ADGRV1: variants seen among roughly 807,000 people sequenced by gnomAD.
The protein encoded by ADGRV1 is adhesion G protein-coupled receptor V1.
ADGRV1 carries 359 observed loss-of-function variants against 596.2 expected under a neutral mutation model. The ratio of observed to expected loss-of-function variants is 0.60; its 90% CI spans 0.55 to 0.66. The LOEUF is 0.66. Among genes scored for constraint, ADGRV1 ranks in the 30% least tolerant of loss-of-function variants. The pLI is 0.00. For missense variants in ADGRV1, 7,274 were observed against 7,575.6 expected, an observed-to-expected ratio of 0.96 and a Z score of 1.48; for synonymous variants, 2,681 against 2,679.2, an observed-to-expected ratio of 1.00 and a Z score of -0.02.
At chr5:90,760,907 A>G (rs1303264277) in intron 58 of ADGRV1, among the ~76,000 whole-genome samples, 1 of 152,250 alleles carries the variant, frequency 6.6e-6, no homozygotes, top group Non-Finnish European at 1.5e-5. Context: ...TTGTTATTAC[A>G]TGATAACTAT....
chr5:90,659,689 C>G (rs966262321), intron 21 of ADGRV1, among the ~76,000 whole-genome samples: 3 of 151,916 alleles, frequency 2.0e-5, no homozygotes, highest in Non-Finnish European at 4.4e-5. Context: ...TTCTGTTACA[C>G]ACATGTATAT....
At chr5:90,744,104 T>C (rs1169588612) in intron 50 of ADGRV1, among the ~76,000 whole-genome samples, 2 of 152,120 alleles carry the variant, frequency 1.3e-5, no homozygotes, top group Non-Finnish European at 2.9e-5. Context: ...TCCTGCCACC[T>C]CAGCTTCCCA....
chr5:90,937,131 G>A (rs1378142607), intron 83 of ADGRV1, among the ~76,000 whole-genome samples: 3 of 151,810 alleles, frequency 2.0e-5, no homozygotes, highest in African/African-American at 7.3e-5. Flanking sequence ...TATTCATCTA[G>A]GTTTAACCTT....
At chr5:90,691,509 C>T (rs1192875291) in intron 31 of ADGRV1, among the ~76,000 whole-genome samples, 6 of 151,316 alleles carry the variant, frequency 4.0e-5, no homozygotes, top group African/African-American at 7.3e-5. Flanking sequence ...CTCAGCCTTC[C>T]GAGTAGCTGG....
chr5:90,866,369 A>G (rs1006963212), intron 83 of ADGRV1, among the ~76,000 whole-genome samples: 5 of 150,398 alleles, frequency 3.3e-5, no homozygotes, highest in African/African-American at 1.2e-4. Flanking sequence ...AGGAATATAG[A>G]TACAAATCCA....
intron 82 of ADGRV1, among the ~76,000 whole-genome samples, chr5:90,860,718 A>G (rs990340450): frequency 3.4e-5 from 5 of 146,004 alleles, no homozygotes; most frequent in East Asian, 2.3e-4. Context: ...ATTAGGTGGT[A>G]TAATAAAAAA....
rs765658246 is a variant in ADGRV1, at chr5:90,720,089, G to T, written c.9489G>T (p.Met3163Ile). The change falls in exon 44 of 90, where the codon ATG (methionine) becomes ATT (isoleucine). Residue 3163 changes from methionine to isoleucine, a missense_variant. Physicochemically the swap from Met to Ile is conservative, Grantham distance 10. Coordinates refer to ENST00000405460, the MANE Select transcript of ADGRV1 (RefSeq NM_032119.4). ...CCATATTAGACACGGAACCAGAAAT[G>T]GATGAGTATTTTGTTTGCACCTTGT... ...ISAILDTEPE[M>I]DEYFVCTLFN... 6.2e-7 allele frequency: 1 copy of T among 1,613,624 alleles called. No individual in the cohort carries two copies. Among genetic ancestry groups the T allele is most frequent in the African/African-American group, 1.3e-5 (1 of 74,936 alleles).
At chr5:91,123,703 T>C (rs1793518287) in intron 87 of ADGRV1, among the ~76,000 whole-genome samples, 2 of 152,232 alleles carry the variant, frequency 1.3e-5, no homozygotes, top group South Asian at 4.1e-4. Flanking sequence ...CTGAGCTAAG[T>C]ATTTATTGTA....
intron 42 of ADGRV1, among the ~76,000 whole-genome samples, chr5:90,714,761 T>A (rs1227263330): frequency 6.6e-6 from 1 of 152,154 alleles, no homozygotes; most frequent in African/African-American, 2.4e-5. Context: ...TTTTTCCTTT[T>A]TTCTATCCAT....
chr5:90,701,737 A>G lies in ADGRV1; in HGVS notation c.8156-1928A>G, dbSNP rs1204303731. On this transcript the variant is annotated intron_variant, in intron 34 of 89. Coordinates refer to ENST00000405460, the MANE Select transcript of ADGRV1 (RefSeq NM_032119.4). Reference sequence around the variant, plus strand: ...TTAGACTTTTAGTGTTTTTACATGTAGTAAGTTTGTCTGAATATTTTACTT... The same window carrying G: ...TTAGACTTTTAGTGTTTTTACATGTGGTAAGTTTGTCTGAATATTTTACTT... Among the ~76,000 whole-genome samples, 4 of 151,908 alleles carry G rather than the reference A, an allele frequency of 2.6e-5. No individual in the cohort carries two copies. The South Asian group carries it at 8.3e-4, about 31-fold the overall frequency.
rs578015645 is a variant in ADGRV1 at position 90,778,891 on chromosome 5, T to C, written c.12876T>C (p.Ser4292=). ...QRVNITIIRS[S]GDFGHVRLWY... is the part of the protein sequence containing the mutation. ...TTAACATCACAATCATCCGTTCCAG[T>C]GGAGATTTTGGCCATGTGCGACTCT... The change falls in exon 64 of 90, where the codon AGT becomes AGC. Residue 4292 remains serine (S), a synonymous_variant. Coordinates refer to ENST00000405460, the MANE Select transcript of ADGRV1 (RefSeq NM_032119.4). The C allele has an allele frequency of 6.2e-7, 1 of 1,612,744 alleles. No homozygotes were observed. The highest frequency in any genetic ancestry group is 1.7e-5 in the Admixed American group (1 of 59,952).
At chr5:91,013,391 TA>T (rs1192780932) in intron 85 of ADGRV1, among the ~76,000 whole-genome samples, 3 of 152,158 alleles carry the variant, frequency 2.0e-5, no homozygotes, top group African/African-American at 7.2e-5. Flanking sequence ...TTTGCCTTTT[TA>T]ATAATACCTG....
chr5:90,617,941 C>G lies in ADGRV1; in HGVS notation c.345C>G (p.His115Gln). 1 of 1,571,730 alleles carries G rather than the reference C, an allele frequency of 6.4e-7. No homozygotes were observed. Among genetic ancestry groups the G allele is most frequent in the African/African-American group, 1.3e-5 (1 of 74,224 alleles). The part of the protein sequence containing the change: ...LPEPDETFIF[H>Q]LTLQKPSANV... Reference sequence around the variant, plus strand: ...AGCCTGACGAAACTTTTATTTTTCACTTAACATTACAGGTAAGTCCGTGTT... The same window carrying G: ...AGCCTGACGAAACTTTTATTTTTCAGTTAACATTACAGGTAAGTCCGTGTT... Residue 115 changes from histidine to glutamine, a missense_variant, in exon 3 of 90, where the codon CAC (histidine) becomes CAG (glutamine). Transcript: ENST00000405460.
At chr5:91,157,465 A>G (rs1353838335) in intron 89 of ADGRV1, among the ~76,000 whole-genome samples, 2 of 152,076 alleles carry the variant, frequency 1.3e-5, no homozygotes, top group Non-Finnish European at 2.9e-5. Context: ...TTTTTTTATA[A>G]TTGGAAATTT....
chr5:90,636,978 C>G (rs192100945), intron 10 of ADGRV1, among the ~76,000 whole-genome samples: 2 of 152,110 alleles, frequency 1.3e-5, no homozygotes, highest in Admixed American at 1.3e-4. Context: ...GTGTACTGCC[C>G]TTGAATGAAA....
chr5:91,110,278 G>A (rs1301198193), intron 87 of ADGRV1, among the ~76,000 whole-genome samples: 1 of 152,076 alleles, frequency 6.6e-6, no homozygotes, highest in African/African-American at 2.4e-5. Flanking sequence ...ATACTCAGCT[G>A]GTAGGCCCTG....
At chr5:90,938,239 GT>G in intron 83 of ADGRV1, among the ~76,000 whole-genome samples, 1 of 152,234 alleles carries the variant, frequency 6.6e-6, no homozygotes, top group East Asian at 1.9e-4. Context: ...TCATTCAATA[GT>G]TTTTAATGTC....
At chr5:90,857,433 C>T (rs949739339) in intron 82 of ADGRV1, among the ~76,000 whole-genome samples, 8 of 151,706 alleles carry the variant, frequency 5.3e-5, no homozygotes, top group Non-Finnish European at 1.0e-4. Context: ...GAATGTTATC[C>T]TGATTTTATA....
intron 11 of ADGRV1, among the ~76,000 whole-genome samples, chr5:90,638,484 A>G (rs2149413264): frequency 6.6e-6 from 1 of 152,206 alleles, no homozygotes; most frequent in Non-Finnish European, 1.5e-5. Context: ...ATAAGAATCA[A>G]CAGCATTTCT....
Sources: allele counts gnomAD v4.1 joint callset (sites outside exome capture counted in the v4.1 genomes callset), GRCh38; gene constraint gnomAD v4.1.1; transcripts MANE v1.5; gene names NCBI Gene and HGNC (gene_info 2026-07-23, HGNC 2026-07-21).